The following KCNMB2 variants were observed in gnomAD, a reference collection of about 807,000 sequenced individuals.
KCNMB2 encodes potassium calcium-activated channel subfamily M regulatory beta subunit 2, also known as calcium-activated potassium channel subunit beta-2.
A neutral mutation model predicts 24.5 loss-of-function variants in KCNMB2; 9 were observed. The observed-to-expected ratio is 0.37, with a 90% CI of 0.22 to 0.64. KCNMB2 has a LOEUF of 0.64. Among genes scored for constraint, KCNMB2 ranks in the 30% least tolerant of loss-of-function variants. The pLI is 0.63. For missense variants in KCNMB2, 226 were observed against 284.3 expected, an observed-to-expected ratio of 0.79 and a Z score of 1.47; for synonymous variants, 109 against 104.4, an observed-to-expected ratio of 1.04 and a Z score of -0.27.
At chr3:178,787,946 G>T (rs1007137919) in intron 1 of KCNMB2, among the ~76,000 whole-genome samples, 1 of 152,086 alleles carries the variant, frequency 6.6e-6, no homozygotes. Flanking sequence ...TTCCTCTTTG[G>T]GTAAAGAGTT....
chr3:178,584,948 A>C (rs963319028), intron 1 of KCNMB2, among the ~76,000 whole-genome samples: 1 of 152,226 alleles, frequency 6.6e-6, no homozygotes, highest in Non-Finnish European at 1.5e-5. Context: ...CATTGTTTAC[A>C]TATTGTGTTT....
intron 1 of KCNMB2, among the ~76,000 whole-genome samples, chr3:178,648,648 A>G (rs1720003415): frequency 1.3e-5 from 2 of 152,232 alleles, no homozygotes. Flanking sequence ...CCTAACTTGT[A>G]TTCCATGGAA....
At chr3:178,700,596 C>T (rs997321848) in intron 1 of KCNMB2, among the ~76,000 whole-genome samples, 2 of 152,190 alleles carry the variant, frequency 1.3e-5, no homozygotes, top group African/African-American at 4.8e-5. Context: ...TGGCCATTTC[C>T]TTACAGAAAA....
intron 1 of KCNMB2, among the ~76,000 whole-genome samples, chr3:178,572,128 C>T (rs938448557): frequency 6.6e-6 from 1 of 152,134 alleles, no homozygotes; most frequent in African/African-American, 2.4e-5. Flanking sequence ...CAAATGGAAA[C>T]ATTTCCAGGG....
intron 1 of KCNMB2, among the ~76,000 whole-genome samples, chr3:178,771,253 T>A (rs1278755076): frequency 2.0e-5 from 3 of 151,954 alleles, no homozygotes; most frequent in Non-Finnish European, 4.4e-5. Context: ...CTAAATACAA[T>A]GTCAAAATGG....
chr3:178,833,177 A>C (rs1715105502), intron 4 of KCNMB2, among the ~76,000 whole-genome samples: 1 of 152,122 alleles, frequency 6.6e-6, no homozygotes, highest in Admixed American at 6.6e-5. Flanking sequence ...CAGGCTGACT[A>C]TTCTCCCAGG....
chr3:178,740,780 C>T (rs1209806365), intron 1 of KCNMB2, among the ~76,000 whole-genome samples: 1 of 152,212 alleles, frequency 6.6e-6, no homozygotes, highest in Non-Finnish European at 1.5e-5. Flanking sequence ...CACCTGCCAT[C>T]TGTCAGGCAC....
chr3:178,608,407 T>C (rs1325946401), intron 1 of KCNMB2, among the ~76,000 whole-genome samples: 3 of 152,122 alleles, frequency 2.0e-5, no homozygotes, highest in African/African-American at 7.2e-5. Flanking sequence ...TTTTTGTGGG[T>C]ACATAGTAGG....
intron 1 of KCNMB2, among the ~76,000 whole-genome samples, chr3:178,715,834 A>T (rs1286313055): frequency 6.6e-6 from 1 of 152,124 alleles, no homozygotes; most frequent in Non-Finnish European, 1.5e-5. Flanking sequence ...GTAGGATGAC[A>T]ACTAAACCAA....
intron 1 of KCNMB2, among the ~76,000 whole-genome samples, chr3:178,752,184 T>G (rs1436968462): frequency 6.6e-6 from 1 of 152,210 alleles, no homozygotes; most frequent in Non-Finnish European, 1.5e-5. Flanking sequence ...ATAAAAGGTA[T>G]ATTACTGATC....
intron 1 of KCNMB2, among the ~76,000 whole-genome samples, chr3:178,566,020 C>A (rs2108469940): frequency 6.6e-6 from 1 of 152,250 alleles, no homozygotes; most frequent in South Asian, 2.1e-4. Flanking sequence ...TGAATCAGGG[C>A]AGATTCTTAC....
intron 1 of KCNMB2, among the ~76,000 whole-genome samples, chr3:178,606,079 G>T (rs1007383143): frequency 6.6e-5 from 10 of 152,136 alleles, no homozygotes. Context: ...TGAACTGAAG[G>T]GGAAGGAGAT....
intron 1 of KCNMB2, among the ~76,000 whole-genome samples, chr3:178,713,267 G>A (rs975193098): frequency 6.6e-6 from 1 of 152,148 alleles, no homozygotes; most frequent in Non-Finnish European, 1.5e-5. Flanking sequence ...CTTTCACATT[G>A]GGTATGGGCA....
chr3:178,571,536 T>C lies in KCNMB2; in HGVS notation c.-68+34825T>C, dbSNP rs527621950. On this transcript the variant is annotated intron_variant, in intron 1 of 4. Coordinates refer to ENST00000452583, the MANE Select transcript of KCNMB2 (RefSeq NM_181361.3). Reference sequence around the variant, plus strand: ...GTATTTGTTTATGTATTTATTTTACTTTAAGTTCTGGGATACATGTGCAGA... The same window carrying C: ...GTATTTGTTTATGTATTTATTTTACCTTAAGTTCTGGGATACATGTGCAGA... Among the ~76,000 whole-genome samples, 3 of 150,646 alleles carry C rather than the reference T, an allele frequency of 2.0e-5. No homozygotes were observed. In the East Asian group the frequency reaches 5.9e-4, roughly 29 times the overall value.
At chr3:178,743,872 T>C (rs933453314) in intron 1 of KCNMB2, among the ~76,000 whole-genome samples, 1 of 152,242 alleles carries the variant, frequency 6.6e-6, no homozygotes, top group Non-Finnish European at 1.5e-5. Context: ...GGTCTTGCTA[T>C]GAATTTTCAG....
At chr3:178,812,806 C>A (rs1030815994) in intron 2 of KCNMB2, among the ~76,000 whole-genome samples, 1 of 152,020 alleles carries the variant, frequency 6.6e-6, no homozygotes, top group Non-Finnish European at 1.5e-5. Context: ...CCAGTTTTGT[C>A]CACCTCAGAC....
intron 2 of KCNMB2, among the ~76,000 whole-genome samples, chr3:178,808,502 G>T (rs1410582052): frequency 6.6e-6 from 1 of 152,156 alleles, no homozygotes; most frequent in African/African-American, 2.4e-5. Flanking sequence ...AAGGAGGTTT[G>T]CCTGAATACT....
At chr3:178,562,907 A>C (rs1306381929) in intron 1 of KCNMB2, among the ~76,000 whole-genome samples, 1 of 152,246 alleles carries the variant, frequency 6.6e-6, no homozygotes, top group Non-Finnish European at 1.5e-5. Context: ...TGTGCCCAGC[A>C]GAAAGATAGT....
At chr3:178,821,199 A>G (rs747756948) in intron 2 of KCNMB2, among the ~76,000 whole-genome samples, 15 of 152,208 alleles carry the variant, frequency 9.9e-5, no homozygotes, top group Non-Finnish European at 1.8e-4. Context: ...ATAGACAGAA[A>G]GAACCAAAGG....
Sources: allele counts gnomAD v4.1 joint callset (sites outside exome capture counted in the v4.1 genomes callset), GRCh38; gene constraint gnomAD v4.1.1; transcripts MANE v1.5; gene names NCBI Gene and HGNC (gene_info 2026-07-23, HGNC 2026-07-21).